GNG12: variants seen among roughly 807,000 people sequenced by gnomAD.
The protein encoded by GNG12 is guanine nucleotide-binding protein G(I)/G(S)/G(O) subunit gamma-12.
For synonymous variants in GNG12, 28 were observed against 29.7 expected (o/e 0.94, Z 0.19); for missense variants, 69 against 83.8 (o/e 0.82, Z 0.69).
At chr1:67,718,704 C>T (rs1357812970) in intron 2 of GNG12, among the ~76,000 whole-genome samples, 2 of 152,034 alleles carry the variant, frequency 1.3e-5, no homozygotes, top group Non-Finnish European at 2.9e-5. Flanking sequence ...AGCACTCCTG[C>T]CCCTAATCCT....
At chr1:67,812,140 A>T (rs942307304) in intron 1 of GNG12, among the ~76,000 whole-genome samples, 10 of 152,112 alleles carry the variant, frequency 6.6e-5, no homozygotes, top group Non-Finnish European at 1.3e-4. Flanking sequence ...GTCATCTTTC[A>T]TTAGTACCAT....
intron 2 of GNG12, among the ~76,000 whole-genome samples, chr1:67,716,238 C>G (rs1646324704): frequency 6.6e-6 from 1 of 152,148 alleles, no homozygotes; most frequent in African/African-American, 2.4e-5. Context: ...ACACCTCTCT[C>G]TGAAAACCTC....
intron 1 of GNG12, among the ~76,000 whole-genome samples, chr1:67,820,060 T>C (rs1646976278): frequency 6.8e-6 from 1 of 146,152 alleles, no homozygotes; most frequent in Admixed American, 7.0e-5. Context: ...ATCCCCCAAG[T>C]AGACAATCAA....
At chr1:67,773,065 A>G (rs186502119) in intron 2 of GNG12, among the ~76,000 whole-genome samples, 12 of 152,342 alleles carry the variant, frequency 7.9e-5, no homozygotes, top group African/African-American at 2.4e-4. Context: ...TCCTAATCAT[A>G]TAAGTCAAGA....
chr1:67,770,116 G>A (rs1246094536), intron 2 of GNG12, among the ~76,000 whole-genome samples: 1 of 152,172 alleles, frequency 6.6e-6, no homozygotes, highest in Non-Finnish European at 1.5e-5. Flanking sequence ...TAACAGATGG[G>A]AAATTCCAAA....
At chr1:67,735,632 T>C (rs1261692008) in intron 2 of GNG12, among the ~76,000 whole-genome samples, 2 of 152,210 alleles carry the variant, frequency 1.3e-5, no homozygotes, top group Non-Finnish European at 1.5e-5. Context: ...TGACCTCTTA[T>C]AATGATTATA....
chr1:67,790,243 T>C lies in GNG12; in HGVS notation c.-76-12736A>G, dbSNP rs369602141. On this transcript the variant is annotated intron_variant, in intron 1 of 3. Coordinates refer to ENST00000370982, the MANE Select transcript of GNG12 (RefSeq NM_018841.6). ...GGTAAAGCCACCTTTGCTGCCTCTA[T>C]TGTAATATTAGTTTGCACCCCCGCC... 2.0e-5 allele frequency among the ~76,000 whole-genome samples: 3 copies of C among 152,322 alleles called. No homozygotes were observed. The East Asian group carries it at 5.8e-4, about 29-fold the overall frequency.
chr1:67,722,341 T>C (rs1360630200), intron 2 of GNG12, among the ~76,000 whole-genome samples: 2 of 152,180 alleles, frequency 1.3e-5, no homozygotes, highest in African/African-American at 2.4e-5. Flanking sequence ...TACAGCTCGC[T>C]GACATTTGCA....
At chr1:67,824,836 C>T (rs577745689) in intron 1 of GNG12, among the ~76,000 whole-genome samples, 2 of 152,254 alleles carry the variant, frequency 1.3e-5, no homozygotes, top group Admixed American at 6.5e-5. Flanking sequence ...GAGGTAAGCA[C>T]AGTGAGTGTG....
At chr1:67,795,629 A>G (rs1646827083) in intron 1 of GNG12, among the ~76,000 whole-genome samples, 1 of 152,220 alleles carries the variant, frequency 6.6e-6, no homozygotes, top group African/African-American at 2.4e-5. Context: ...GAAGGTGTTT[A>G]ATAAGCTGCT....
At chr1:67,831,172 A>C (rs1259103862) in intron 1 of GNG12, among the ~76,000 whole-genome samples, 1 of 152,230 alleles carries the variant, frequency 6.6e-6, no homozygotes, top group Non-Finnish European at 1.5e-5. Context: ...TCCTAGGTTA[A>C]GCTTAAGCTG....
intron 2 of GNG12, among the ~76,000 whole-genome samples, chr1:67,740,253 C>T (rs1175218887): frequency 2.0e-5 from 3 of 152,216 alleles, no homozygotes; most frequent in Non-Finnish European, 2.9e-5. Context: ...GCTATGAATA[C>T]TCTTACCACT....
chr1:67,708,206 C>T (rs1646261341), intron 2 of GNG12, among the ~76,000 whole-genome samples: 1 of 152,208 alleles, frequency 6.6e-6, no homozygotes, highest in Non-Finnish European at 1.5e-5. Flanking sequence ...AAGAGAGCTC[C>T]TCTAGAGAAC....
At chr1:67,733,026 T>C (rs1034614237) in intron 2 of GNG12, among the ~76,000 whole-genome samples, 2 of 152,190 alleles carry the variant, frequency 1.3e-5, no homozygotes, top group African/African-American at 2.4e-5. Context: ...AAAGCAAAAC[T>C]TAGCACCACT....
chr1:67,816,737 G>A (rs776859736), intron 1 of GNG12, among the ~76,000 whole-genome samples: 17 of 152,176 alleles, frequency 1.1e-4, no homozygotes, highest in Non-Finnish European at 2.1e-4. Context: ...GGTAGGGCCC[G>A]GTGACAAGAC....
intron 2 of GNG12, among the ~76,000 whole-genome samples, chr1:67,728,277 T>G (rs1164707697): frequency 6.6e-6 from 1 of 152,092 alleles, no homozygotes; most frequent in Non-Finnish European, 1.5e-5. Flanking sequence ...TCTGGATGAG[T>G]GTGAGCTGCA....
At position 67,774,951 on chromosome 1, in the gene GNG12, T is replaced by C. The variant is rs531749640; in HGVS notation, c.-27+2507A>G. On this transcript the variant is annotated intron_variant, in intron 2 of 3. Transcript: ENST00000370982. ...TTCTTGTAAATCTCAAGTAATTCTA[T>C]GTAAGGTAGCACAGTACGTGGCACA... Among the ~76,000 whole-genome samples the C allele has an allele frequency of 7.9e-5, 12 of 152,364 alleles. No homozygotes were observed. The South Asian group carries it at 2.3e-3, about 29-fold the overall frequency.
chr1:67,820,771 GAA>G (rs998817712), intron 1 of GNG12, among the ~76,000 whole-genome samples: 11 of 152,322 alleles, frequency 7.2e-5, no homozygotes, highest in African/African-American at 2.6e-4. Context: ...TAAGGAGTGA[GAA>G]AGTGTATGTG....
intron 2 of GNG12, among the ~76,000 whole-genome samples, chr1:67,709,975 TATATA>T (rs1646277291): frequency 7.6e-5 from 1 of 13,076 alleles, no homozygotes; most frequent in African/African-American, 2.4e-4. Flanking sequence ...TATATATAGT[TATATA>T]TATATAGTTA....
Sources: allele counts gnomAD v4.1 joint callset (sites outside exome capture counted in the v4.1 genomes callset), GRCh38; gene constraint gnomAD v4.1.1; transcripts MANE v1.5; gene names NCBI Gene and HGNC (gene_info 2026-07-23, HGNC 2026-07-21).